Variants in ST3GAL1 observed in about 807,000 individuals in gnomAD.
ST3GAL1 encodes ST3 beta-galactoside alpha-2,3-sialyltransferase 1.
A neutral mutation model predicts 34.1 loss-of-function variants in ST3GAL1; 16 were observed. The observed-to-expected ratio is 0.47, with a 90% CI of 0.32 to 0.71. The LOEUF is 0.71. ST3GAL1 is among the 30% of genes least tolerant of loss of function. ST3GAL1 has a pLI of 0.04. For missense variants in ST3GAL1, 353 were observed against 447.4 expected, an observed-to-expected ratio of 0.79 and a Z score of 1.90; for synonymous variants, 191 against 184.7, an observed-to-expected ratio of 1.03 and a Z score of -0.28.
At chr8:133,487,094 C>A (rs768725897) in intron 3 of ST3GAL1, among the ~76,000 whole-genome samples, 4 of 152,128 alleles carry the variant, frequency 2.6e-5, no homozygotes, top group Non-Finnish European at 1.5e-5. Context: ...CAGATGTGCA[C>A]CATGCCTGGT....
Position 133,476,052 on chromosome 8 carries a change from C to T in ST3GAL1, c.-28G>A, listed in dbSNP as rs766287933. 6.5e-6 allele frequency: 10 copies of T among 1,528,340 alleles called. No individual in the cohort carries two copies. Among genetic ancestry groups the T allele is most frequent in the Non-Finnish European group, 8.8e-6 (10 of 1,136,748 alleles). The allele number at this position is 1,528,340 out of a possible 1,614,324, so 94.7% of individuals were successfully genotyped here. On this transcript the variant is annotated 5_prime_UTR_variant, in exon 5 of 10. It adds an upstream start codon to the 5' untranslated region. Transcript: ENST00000522652. ...TCGCAGTCCTGATGGTGGCCTCCCA[C>T]GATGGGTAGCAGGAACTCCCTCCTA...
intron 2 of ST3GAL1, among the ~76,000 whole-genome samples, chr8:133,544,342 T>G (rs1340285688): frequency 6.6e-6 from 1 of 152,212 alleles, no homozygotes; most frequent in Non-Finnish European, 1.5e-5. Context: ...GGTCCAAGGC[T>G]CTTCCCAACC....
chr8:133,528,060 A>C (rs947761020), intron 2 of ST3GAL1, among the ~76,000 whole-genome samples: 33 of 152,066 alleles, frequency 2.2e-4, no homozygotes, highest in African/African-American at 8.0e-4. Context: ...CTGTAGTAGC[A>C]GCTACTTGGG....
intron 2 of ST3GAL1, among the ~76,000 whole-genome samples, chr8:133,541,034 C>CATAT (rs370767285): frequency 3.3e-4 from 32 of 96,632 alleles, no homozygotes; most frequent in African/African-American, 9.4e-4. Flanking sequence ...TATATATAGA[C>CATAT]ATATATAGAC....
intron 8 of ST3GAL1, 44 bp from the exon 9 acceptor site, chr8:133,462,038 C>A (rs1815532117): frequency 6.2e-7 from 1 of 1,612,232 alleles, no homozygotes; most frequent in African/African-American, 1.3e-5. Flanking sequence ...TTCTGGGGGG[C>A]AAAGGACATG....
intron 1 of ST3GAL1, among the ~76,000 whole-genome samples, chr8:133,564,832 G>A (rs1424770313): frequency 6.6e-6 from 1 of 152,180 alleles, no homozygotes; most frequent in Non-Finnish European, 1.5e-5. Flanking sequence ...CATAGAAAAG[G>A]TCAGTAATTT....
intron 2 of ST3GAL1, among the ~76,000 whole-genome samples, chr8:133,541,096 CATATATATAT>C (rs780797700): frequency 2.7e-5 from 1 of 37,202 alleles, no homozygotes; most frequent in Non-Finnish European, 4.5e-5. Flanking sequence ...TATATATAAA[CATATATATAT>C]ATATATATAT....
At chr8:133,533,501 C>T (rs1404715768) in intron 2 of ST3GAL1, among the ~76,000 whole-genome samples, 2 of 152,208 alleles carry the variant, frequency 1.3e-5, no homozygotes, top group South Asian at 2.1e-4. Context: ...CTATCAGGAG[C>T]GAGTTCCTCT....
chr8:133,547,433 T>TA (rs1818702776), intron 1 of ST3GAL1, among the ~76,000 whole-genome samples: 1 of 152,150 alleles, frequency 6.6e-6, no homozygotes. Flanking sequence ...CACACCAGGC[T>TA]AATTATTTTT....
At chr8:133,503,031 T>C (rs1563717213) in intron 2 of ST3GAL1, among the ~76,000 whole-genome samples, 1 of 152,244 alleles carries the variant, frequency 6.6e-6, no homozygotes, top group Non-Finnish European at 1.5e-5. Flanking sequence ...GGACAGCATG[T>C]CCTGGTTAGC....
intron 2 of ST3GAL1, among the ~76,000 whole-genome samples, chr8:133,500,989 C>G (rs1277919475): frequency 1.3e-5 from 2 of 152,224 alleles, no homozygotes; most frequent in Non-Finnish European, 2.9e-5. Context: ...CTTCCTAACA[C>G]TGCTGGGCTG....
At position 133,469,637 on chromosome 8, in the gene ST3GAL1, T is replaced by G. The variant is rs1438711493; in HGVS notation, c.307-3547A>C. Among the ~76,000 whole-genome samples the G allele has an allele frequency of 6.6e-6, 1 of 152,260 alleles. No homozygotes were observed. Among genetic ancestry groups the G allele is most frequent in the African/African-American group, 2.4e-5 (1 of 41,466 alleles). Reference sequence around the variant, plus strand: ...TACAATGCAATGAAAACAAAACTACTGTATTCGGTTGCAGCTCTACCCTGC... The same window carrying G: ...TACAATGCAATGAAAACAAAACTACGGTATTCGGTTGCAGCTCTACCCTGC... On this transcript the variant is annotated intron_variant, in intron 5 of 9. Transcript: ENST00000522652. This position sits in a 1 kb window ranked among gnomAD's most constrained non-coding sequence, Gnocchi z 4.3.
chr8:133,464,724 A>G, intron 7 of ST3GAL1, 54 bp downstream of exon 7: 1 of 1,550,828 alleles, frequency 6.4e-7, no homozygotes, highest in Non-Finnish European at 8.8e-7. Context: ...GTGGGGGGAC[A>G]GGGTGCCACT....
At chr8:133,519,186 T>C (rs1348242980) in intron 2 of ST3GAL1, among the ~76,000 whole-genome samples, 1 of 152,078 alleles carries the variant, frequency 6.6e-6, no homozygotes, top group African/African-American at 2.4e-5. Context: ...GAATAAGACA[T>C]CTTTGACACC....
intron 3 of ST3GAL1, among the ~76,000 whole-genome samples, chr8:133,490,399 G>A (rs1816750866): frequency 1.3e-5 from 2 of 152,228 alleles, no homozygotes; most frequent in Admixed American, 6.5e-5. Flanking sequence ...TAGCGAAGCC[G>A]CACACTAGGC....
chr8:133,501,223 C>T (rs931213073), intron 2 of ST3GAL1, among the ~76,000 whole-genome samples: 10 of 152,172 alleles, frequency 6.6e-5, no homozygotes, highest in Admixed American at 2.6e-4. Flanking sequence ...AAGCCTAGGT[C>T]GTTCTGTGTC....
At chr8:133,472,777 G>C (rs1418956040) in intron 5 of ST3GAL1, among the ~76,000 whole-genome samples, 1 of 151,638 alleles carries the variant, frequency 6.6e-6, no homozygotes, top group East Asian at 1.9e-4. Context: ...AGACTGCAGA[G>C]AAGGGCTGCA....
intron 2 of ST3GAL1, among the ~76,000 whole-genome samples, chr8:133,540,764 C>CAT (rs1181520968): frequency 0.12 from 8,623 of 74,392 alleles, 897 homozygotes; most frequent in Middle Eastern, 0.2. Context: ...TATATATAGA[C>CAT]ATATATATAT....
chr8:133,525,164 C>T (rs527993329), intron 2 of ST3GAL1, among the ~76,000 whole-genome samples: 2 of 152,378 alleles, frequency 1.3e-5, no homozygotes, highest in East Asian at 3.9e-4. Flanking sequence ...GAACAGCTTT[C>T]AGGAGACCTG....
Sources: gnomAD v4.1 joint callset for allele counts (sites outside exome capture counted in the v4.1 genomes callset) on GRCh38, gnomAD v4.1.1 for gene constraint, Gnocchi (gnomAD v3.1) non-coding constraint, MANE v1.5 for transcripts, NCBI Gene and HGNC (gene_info 2026-07-23, HGNC 2026-07-21) for gene names.